KLF8: variants seen among roughly 807,000 people sequenced by gnomAD.
The protein encoded by KLF8 is Krueppel-like factor 8.
A neutral mutation model predicts 18.2 loss-of-function variants in KLF8; 10 were observed. The observed-to-expected ratio is 0.55, with a 90% confidence interval of 0.34 to 0.93. The LOEUF (loss-of-function observed/expected upper bound fraction) is 0.93, where lower values mean the gene tolerates loss of function less well. Among genes scored for constraint, KLF8 ranks in the 40% least tolerant of loss-of-function variants. The pLI is 0.02. For synonymous variants in KLF8, 109 were observed against 97.3 expected (o/e 1.12, Z -0.71); for missense variants, 264 against 277.9 (o/e 0.95, Z 0.36).
At chrX:55,977,020 G>A in the KLF8 span, among the ~76,000 whole-genome samples, 2 of 111,939 alleles carry the variant, frequency 1.8e-5, no homozygotes, top group Non-Finnish European at 3.8e-5. Context: ...TTATTTGGTG[G>A]AGTATTTAGA....
chrX:56,107,296 C>G, the KLF8 span, among the ~76,000 whole-genome samples: 2 of 112,254 alleles, frequency 1.8e-5, no homozygotes, highest in Non-Finnish European at 3.8e-5. Flanking sequence ...TTTCTGCTGC[C>G]TGTTGTTCAG....
chrX:55,946,388 G>C, the KLF8 span, among the ~76,000 whole-genome samples: 321 of 111,669 alleles, frequency 2.9e-3, 1 homozygote, highest in African/African-American at 0.01. Context: ...AATGGGGAAA[G>C]GATTCCCTAT....
chrX:56,248,075 C>T (rs1392096960), intron 1 of KLF8, among the ~76,000 whole-genome samples: 1 of 110,780 alleles, frequency 9.0e-6, no homozygotes. Flanking sequence ...TTTTTTAGCT[C>T]TGTTATAATT....
At chrX:56,128,816 CA>C in the KLF8 span, among the ~76,000 whole-genome samples, 3 of 111,680 alleles carry the variant, frequency 2.7e-5, no homozygotes, top group Non-Finnish European at 5.7e-5. Flanking sequence ...AACAAACAAA[CA>C]AAAAACCCAC....
chrX:56,195,206 C>A, the KLF8 span, among the ~76,000 whole-genome samples: 1 of 112,351 alleles, frequency 8.9e-6, no homozygotes, highest in Admixed American at 9.5e-5. Context: ...TCAACAGCAA[C>A]AGAACAAATC....
the KLF8 span, among the ~76,000 whole-genome samples, chrX:56,139,825 A>G: frequency 9.0e-6 from 1 of 111,478 alleles, no homozygotes; most frequent in African/African-American, 3.3e-5. Flanking sequence ...TAAACTATCA[A>G]CAAAGTAAAC....
chrX:55,956,768 G>A, the KLF8 span, among the ~76,000 whole-genome samples: 2 of 111,684 alleles, frequency 1.8e-5, no homozygotes, highest in East Asian at 5.6e-4. Context: ...TTGCTGAGTT[G>A]CAGGAATTTT....
the KLF8 span, among the ~76,000 whole-genome samples, chrX:55,956,955 C>A: frequency 9.0e-6 from 1 of 111,350 alleles, no homozygotes. Context: ...GGTGACATAT[C>A]CAAGAAATCA....
chrX:56,187,996 T>A, the KLF8 span, among the ~76,000 whole-genome samples: 4 of 111,427 alleles, frequency 3.6e-5, no homozygotes, highest in Non-Finnish European at 7.5e-5. Flanking sequence ...CCACTCCTAT[T>A]CAACATAGTG....
chrX:56,040,172 C>G, the KLF8 span, among the ~76,000 whole-genome samples: 59 of 111,456 alleles, frequency 5.3e-4, no homozygotes, highest in African/African-American at 1.9e-3. Context: ...CATCTGCAAA[C>G]AAAGATAATT....
At chrX:56,104,597 T>C in the KLF8 span, among the ~76,000 whole-genome samples, 1 of 111,976 alleles carries the variant, frequency 8.9e-6, no homozygotes, top group South Asian at 3.7e-4. Context: ...TATTTGATTC[T>C]TCTCTCTTTT....
chrX:56,171,674 C>T, the KLF8 span, among the ~76,000 whole-genome samples: 1 of 111,625 alleles, frequency 9.0e-6, no homozygotes, highest in Non-Finnish European at 1.9e-5. Flanking sequence ...TTTCCAGCTT[C>T]ATCCATAACC....
chrX:55,936,104 T>A, the KLF8 span, among the ~76,000 whole-genome samples: 1 of 112,301 alleles, frequency 8.9e-6, no homozygotes, highest in Non-Finnish European at 1.9e-5. Flanking sequence ...TCTAATAGTA[T>A]CACAGCCATA....
chrX:56,124,535 C>T, the KLF8 span, among the ~76,000 whole-genome samples: 1 of 111,955 alleles, frequency 8.9e-6, no homozygotes, highest in Non-Finnish European at 1.9e-5. Context: ...TTTTCATTCA[C>T]AGCTGCCTTT....
the KLF8 span, among the ~76,000 whole-genome samples, chrX:56,168,349 A>C: frequency 8.9e-6 from 1 of 112,250 alleles, no homozygotes. Flanking sequence ...TTTAACCAAA[A>C]TAAAATATCT....
chrX:56,150,462 G>T, the KLF8 span, among the ~76,000 whole-genome samples: 1 of 111,713 alleles, frequency 9.0e-6, no homozygotes, highest in Non-Finnish European at 1.9e-5. Flanking sequence ...AAGAAGCTTT[G>T]GTATTTACAT....
At chrX:56,275,016 T>G (rs1038437765) in intron 5 of KLF8, among the ~76,000 whole-genome samples, 3 of 111,493 alleles carry the variant, frequency 2.7e-5, no homozygotes, top group African/African-American at 3.3e-5. Flanking sequence ...AATTTTGGGG[T>G]TTTTTTTCTA....
the KLF8 span, among the ~76,000 whole-genome samples, chrX:55,982,539 G>A: frequency 9.0e-6 from 1 of 111,474 alleles, no homozygotes; most frequent in African/African-American, 3.3e-5. Flanking sequence ...CTCTACATTG[G>A]CTGTCAGAAT....
At chrX:56,052,447 G>A in the KLF8 span, among the ~76,000 whole-genome samples, 2 of 111,684 alleles carry the variant, frequency 1.8e-5, no homozygotes, top group Non-Finnish European at 3.8e-5. Context: ...ATGGGTTTTT[G>A]GTGTGGATGT....
Sources: allele counts gnomAD v4.1 joint callset (sites outside exome capture counted in the v4.1 genomes callset), GRCh38; gene constraint gnomAD v4.1.1; transcripts MANE v1.5; gene names NCBI Gene and HGNC (gene_info 2026-07-23, HGNC 2026-07-21).